Variants in PLCL1 observed in about 807,000 individuals in gnomAD.
The protein encoded by PLCL1 is inactive phospholipase C-like protein 1.
A neutral mutation model predicts 84.4 loss-of-function variants in PLCL1; 41 were observed. The ratio of observed to expected loss-of-function variants is 0.49; its 90% CI spans 0.38 to 0.63. The LOEUF is 0.63. PLCL1 is among the 30% of genes least tolerant of loss of function. The probability of loss-of-function intolerance (pLI) is 0.00; values close to 1 mark genes in which losing one functional copy is unlikely to be tolerated. For synonymous variants in PLCL1, 490 were observed against 488.3 expected, an observed-to-expected ratio of 1.00 and a Z score of -0.05; for missense variants, 1,206 against 1,367.8, an observed-to-expected ratio of 0.88 and a Z score of 1.87.
intron 5 of PLCL1, among the ~76,000 whole-genome samples, chr2:198,116,674 T>G (rs574396979): frequency 1.3e-5 from 2 of 151,920 alleles, no homozygotes; most frequent in Non-Finnish European, 2.9e-5. Flanking sequence ...CACAGAACCA[T>G]GACTTAGAAT....
intron 1 of PLCL1, among the ~76,000 whole-genome samples, chr2:198,030,356 A>ATTTTGTTGAG (rs1404150472): frequency 5.9e-5 from 9 of 152,086 alleles, no homozygotes; most frequent in Non-Finnish European, 1.2e-4. Context: ...GGGGTGGGTA[A>ATTTTGTTGAG]CACTGCCCGG....
At chr2:197,949,878 G>A (rs1441906875) in intron 1 of PLCL1, among the ~76,000 whole-genome samples, 1 of 152,172 alleles carries the variant, frequency 6.6e-6, no homozygotes, top group Non-Finnish European at 1.5e-5. Flanking sequence ...TGGGATTTAT[G>A]AGTGGGGAAC....
chr2:198,140,367 C>T (rs1289660715), intron 5 of PLCL1, among the ~76,000 whole-genome samples: 1 of 152,002 alleles, frequency 6.6e-6, no homozygotes, highest in Non-Finnish European at 1.5e-5. Flanking sequence ...TATACAAGAA[C>T]ATAAAATTGT....
At chr2:198,111,043 T>G (rs1291344174) in intron 5 of PLCL1, among the ~76,000 whole-genome samples, 1 of 151,876 alleles carries the variant, frequency 6.6e-6, no homozygotes, top group East Asian at 1.9e-4. Context: ...AGTGATTAAG[T>G]GTACAGACGC....
At chr2:198,098,026 G>C (rs913309771) in intron 3 of PLCL1, among the ~76,000 whole-genome samples, 4 of 152,122 alleles carry the variant, frequency 2.6e-5, no homozygotes, top group Admixed American at 1.3e-4. Flanking sequence ...ATATGTAAGA[G>C]CAATCTGATT....
chr2:198,120,365 A>C (rs1165392885), intron 5 of PLCL1, among the ~76,000 whole-genome samples: 1 of 151,910 alleles, frequency 6.6e-6, no homozygotes, highest in Non-Finnish European at 1.5e-5. Context: ...TATACAATTA[A>C]ATTATTATTG....
At chr2:197,960,054 A>G (rs558190320) in intron 1 of PLCL1, among the ~76,000 whole-genome samples, 2 of 152,194 alleles carry the variant, frequency 1.3e-5, no homozygotes, top group South Asian at 4.1e-4. Context: ...AAACAGAGCT[A>G]TCTCTTCATT....
At chr2:198,082,087 T>C (rs1278968645) in intron 1 of PLCL1, among the ~76,000 whole-genome samples, 1 of 152,218 alleles carries the variant, frequency 6.6e-6, no homozygotes, top group Non-Finnish European at 1.5e-5. Flanking sequence ...AGTTACTGGG[T>C]GTAAAAGGCA....
At chr2:197,926,432 T>C (rs931106473) in intron 1 of PLCL1, among the ~76,000 whole-genome samples, 3 of 152,234 alleles carry the variant, frequency 2.0e-5, no homozygotes, top group Non-Finnish European at 4.4e-5. Flanking sequence ...TTTATCTTTA[T>C]GCAATGTTTC....
At chr2:198,030,454 A>G (rs557581640) in intron 1 of PLCL1, among the ~76,000 whole-genome samples, 1 of 152,278 alleles carries the variant, frequency 6.6e-6, no homozygotes, top group African/African-American at 2.4e-5. Context: ...GGGGAAAGGA[A>G]GATAAAAAAG....
chr2:197,925,303 T>C (rs890857423), intron 1 of PLCL1, among the ~76,000 whole-genome samples: 5 of 152,164 alleles, frequency 3.3e-5, no homozygotes, highest in African/African-American at 4.8e-5. Context: ...TTTTAAAAAC[T>C]GGTTGGTTAA....
intron 1 of PLCL1, among the ~76,000 whole-genome samples, chr2:197,996,486 A>G (rs1690467512): frequency 6.6e-6 from 1 of 152,210 alleles, no homozygotes; most frequent in Non-Finnish European, 1.5e-5. Flanking sequence ...CAGTTGTAAC[A>G]AATGTACCAC....
At chr2:198,054,216 C>T (rs903783630) in intron 1 of PLCL1, among the ~76,000 whole-genome samples, 2 of 152,192 alleles carry the variant, frequency 1.3e-5, no homozygotes, top group Non-Finnish European at 2.9e-5. Flanking sequence ...CACATTTACA[C>T]ATAGGTGTAA....
chr2:198,031,081 T>C (rs1215800688), intron 1 of PLCL1, among the ~76,000 whole-genome samples: 1 of 151,982 alleles, frequency 6.6e-6, no homozygotes, highest in Admixed American at 6.6e-5. Context: ...GTTAAATAAA[T>C]ATTTCCTGGC....
intron 1 of PLCL1, among the ~76,000 whole-genome samples, chr2:197,933,421 G>A (rs1362928405): frequency 2.0e-5 from 3 of 151,698 alleles, no homozygotes; most frequent in Middle Eastern, 3.2e-3. Context: ...CTGCCACGAC[G>A]CCCAGCTAAT....
intron 1 of PLCL1, among the ~76,000 whole-genome samples, chr2:197,919,626 T>C (rs1688667266): frequency 6.6e-6 from 1 of 152,220 alleles, no homozygotes. Context: ...AAGTTAGGCA[T>C]ATGACTTGTA....
At chr2:197,917,568 T>A (rs1317697744) in intron 1 of PLCL1, among the ~76,000 whole-genome samples, 1 of 152,210 alleles carries the variant, frequency 6.6e-6, no homozygotes, top group Non-Finnish European at 1.5e-5. Context: ...ATGTATTTGT[T>A]AAAACCCATA....
At chr2:197,981,867 G>A (rs1365863516) in intron 1 of PLCL1, among the ~76,000 whole-genome samples, 2 of 152,174 alleles carry the variant, frequency 1.3e-5, no homozygotes, top group Non-Finnish European at 2.9e-5. Context: ...GAGGCCAGCT[G>A]TCTTATCTAA....
At chr2:197,881,992 C>A in intron 1 of PLCL1, among the ~76,000 whole-genome samples, 1 of 152,050 alleles carries the variant, frequency 6.6e-6, no homozygotes, top group East Asian at 1.9e-4. Context: ...CATAGAACCT[C>A]GTATACATTA....
Sources: gnomAD v4.1 joint callset for allele counts (sites outside exome capture counted in the v4.1 genomes callset) on GRCh38, gnomAD v4.1.1 for gene constraint, MANE v1.5 for transcripts, NCBI Gene and HGNC (gene_info 2026-07-23, HGNC 2026-07-21) for gene names.